The following MEGF11 variants were observed in gnomAD, a reference collection of about 807,000 sequenced individuals.
MEGF11 encodes multiple EGF like domains 11.
In MEGF11, 126 loss-of-function variants were observed where a neutral mutation model predicts 146.6. The ratio of observed to expected loss-of-function variants is 0.86; its 90% CI spans 0.74 to 1.00. MEGF11 has a LOEUF of 1.00. MEGF11 is among the 50% of genes least tolerant of loss of function. The probability of loss-of-function intolerance (pLI) is 0.00; values close to 1 mark genes in which losing one functional copy is unlikely to be tolerated. For synonymous variants in MEGF11, 532 were observed against 583.4 expected (o/e 0.91, Z 1.27); for missense variants, 1,509 against 1,521.2 (o/e 0.99, Z 0.13).
chr15:66,123,981 C>CTT lies in MEGF11; in HGVS notation c.117_118insAA (p.Glu40LysfsTer248), dbSNP rs1300137902. 3.2e-5 allele frequency: 51 copies of CTT among 1,613,750 alleles called. No individual in the cohort carries two copies. The highest frequency in any genetic ancestry group is 4.2e-5 in the Non-Finnish European group (49 of 1,179,798). On this transcript the variant is annotated frameshift_variant, in exon 3 of 26. Coordinates refer to ENST00000395614, the MANE Select transcript of MEGF11 (RefSeq NM_001385028.1). LOFTEE classifies it high-confidence loss of function. ...TGATCGAAGGGGTGTGCATACGATT[C>CTT]CTGGACAGTCACAGCATAGCTGAGA...
chr15:66,157,835 G>A (rs2089817311), intron 1 of MEGF11, among the ~76,000 whole-genome samples: 1 of 152,128 alleles, frequency 6.6e-6, no homozygotes, highest in Non-Finnish European at 1.5e-5. Flanking sequence ...TGACCTTTTG[G>A]GCTGATTTCT....
chr15:66,138,046 T>C (rs2088972368), intron 1 of MEGF11, among the ~76,000 whole-genome samples: 1 of 152,020 alleles, frequency 6.6e-6, no homozygotes, highest in Non-Finnish European at 1.5e-5. Context: ...CTGCGTGAGA[T>C]GGCAAGATCC....
chr15:66,149,772 A>T (rs2089496621), intron 1 of MEGF11, among the ~76,000 whole-genome samples: 1 of 152,186 alleles, frequency 6.6e-6, no homozygotes, highest in African/African-American at 2.4e-5. Context: ...TTTAATAATT[A>T]TGCCACTGAT....
intron 1 of MEGF11, among the ~76,000 whole-genome samples, chr15:66,214,771 G>A (rs1321001066): frequency 6.6e-6 from 1 of 152,062 alleles, no homozygotes; most frequent in African/African-American, 2.4e-5. Context: ...GACACTGTGG[G>A]CACCCTTGCC....
chr15:66,064,175 T>C (rs1276828638), intron 5 of MEGF11, among the ~76,000 whole-genome samples: 2 of 152,066 alleles, frequency 1.3e-5, no homozygotes, highest in East Asian at 1.9e-4. Flanking sequence ...CGAGATCAGA[T>C]TGGCCAACAT....
chr15:65,977,477 CTTTTTTT>C (rs1180788795), intron 7 of MEGF11, among the ~76,000 whole-genome samples: 3 of 130,370 alleles, frequency 2.3e-5, no homozygotes, highest in Non-Finnish European at 4.9e-5. Flanking sequence ...CTCTCTCCCT[CTTTTTTT>C]TTTTTTTTTT....
chr15:66,182,992 T>C (rs2090593618), intron 1 of MEGF11, among the ~76,000 whole-genome samples: 1 of 152,202 alleles, frequency 6.6e-6, no homozygotes, highest in Non-Finnish European at 1.5e-5. Context: ...ATATCGGATG[T>C]ATGCAGAGCA....
intron 1 of MEGF11, among the ~76,000 whole-genome samples, chr15:66,160,978 G>A (rs2089934424): frequency 6.6e-6 from 1 of 152,122 alleles, no homozygotes; most frequent in South Asian, 2.1e-4. Flanking sequence ...GAGTGCCCAG[G>A]TGCAGGGAAG....
intron 10 of MEGF11, among the ~76,000 whole-genome samples, chr15:65,955,792 A>ATG (rs1555455848): frequency 1.9e-4 from 4 of 20,616 alleles, no homozygotes; most frequent in Non-Finnish European, 2.6e-4. Flanking sequence ...ATATATATAT[A>ATG]TACACACACA....
chr15:65,951,997 A>AT (rs2080420332), intron 10 of MEGF11, among the ~76,000 whole-genome samples: 1 of 152,184 alleles, frequency 6.6e-6, no homozygotes, highest in African/African-American at 2.4e-5. Context: ...ACGAGGCCCT[A>AT]TCTCTAAAAA....
chr15:65,899,036 G>C, intron 24 of MEGF11, 102 bp from the exon 25 acceptor site: 1 of 1,176,728 alleles, frequency 8.5e-7, no homozygotes, highest in Non-Finnish European at 1.2e-6. Flanking sequence ...CAGGATCTTA[G>C]AGCTGGAAAA....
At chr15:65,926,060 G>C (rs546029862) in intron 13 of MEGF11, among the ~76,000 whole-genome samples, 1 of 152,226 alleles carries the variant, frequency 6.6e-6, no homozygotes, top group African/African-American at 2.4e-5. Flanking sequence ...TTGCATCTTT[G>C]GTGCCCAACA....
intron 1 of MEGF11, among the ~76,000 whole-genome samples, chr15:66,236,331 A>G (rs985544742): frequency 6.6e-6 from 1 of 152,130 alleles, no homozygotes; most frequent in Non-Finnish European, 1.5e-5. Flanking sequence ...CCCGAGGGCA[A>G]TGGGAAACTG....
intron 1 of MEGF11, among the ~76,000 whole-genome samples, chr15:66,241,693 G>C (rs1222004382): frequency 6.6e-6 from 1 of 152,096 alleles, no homozygotes; most frequent in Non-Finnish European, 1.5e-5. Flanking sequence ...TGAATCCCTG[G>C]AGATCTCTGG....
intron 1 of MEGF11, among the ~76,000 whole-genome samples, chr15:66,204,979 AT>A (rs34157473): frequency 0.56 from 70,509 of 125,154 alleles, 20,186 homozygotes; most frequent in South Asian, 0.7. Flanking sequence ...CTTGGGTTGA[AT>A]TTTTTTTTTT....
At chr15:66,117,825 A>G (rs1397011825) in intron 4 of MEGF11, among the ~76,000 whole-genome samples, 2 of 152,174 alleles carry the variant, frequency 1.3e-5, no homozygotes, top group Non-Finnish European at 2.9e-5. Flanking sequence ...GCCCCTGAGG[A>G]ACGGCCTTTT....
intron 5 of MEGF11, among the ~76,000 whole-genome samples, chr15:65,990,519 C>T (rs2081998587): frequency 6.6e-6 from 1 of 150,838 alleles, no homozygotes; most frequent in African/African-American, 2.4e-5. Flanking sequence ...CACTGTACTC[C>T]AACCTTGGTA....
chr15:65,965,571 C>CCTTCCTTT (rs2081038317), intron 8 of MEGF11, among the ~76,000 whole-genome samples: 1 of 66,564 alleles, frequency 1.5e-5, no homozygotes, highest in Admixed American at 1.9e-4. Context: ...CAGTGAGGTC[C>CCTTCCTTT]CTTTCTTTCT....
intron 5 of MEGF11, among the ~76,000 whole-genome samples, chr15:66,066,142 A>G (rs1405653532): frequency 6.6e-6 from 1 of 152,186 alleles, no homozygotes; most frequent in African/African-American, 2.4e-5. Flanking sequence ...ATGCCGGAAG[A>G]GGAAGCCTGA....
Sources: allele counts gnomAD v4.1 joint callset (sites outside exome capture counted in the v4.1 genomes callset), GRCh38; gene constraint gnomAD v4.1.1; transcripts MANE v1.5; gene names NCBI Gene and HGNC (gene_info 2026-07-23, HGNC 2026-07-21).